ANKH: variants seen among roughly 807,000 people sequenced by gnomAD.
ANKH encodes the protein mineralization regulator ANKH.
ANKH carries 15 observed loss-of-function variants against 49.0 expected under a neutral mutation model. That is an observed-to-expected ratio of 0.31 (90% confidence interval 0.20 to 0.47). ANKH has a LOEUF of 0.47. Ranked by LOEUF, ANKH falls within the 20% of genes least tolerant of loss-of-function variation. ANKH has a pLI of 1.00. For synonymous variants in ANKH, 273 were observed against 260.0 expected, an observed-to-expected ratio of 1.05 and a Z score of -0.48; for missense variants, 429 against 652.0, an observed-to-expected ratio of 0.66 and a Z score of 3.72.
rs144449677 is a variant in ANKH at position 14,718,950 on chromosome 5, T to G, written c.1012-2115A>C. Among the ~76,000 whole-genome samples, 258 of 150,102 alleles carry G rather than the reference T, an allele frequency of 1.7e-3. 3 individuals are homozygous for G. Among genetic ancestry groups the G allele is most frequent in the Middle Eastern group, 0.01 (3 of 288 alleles). ...GAGACAGAGCAGAAGGATGAAGGCA[T>G]GCAAATGAAGCACAGGAGAAGAGAG... is the stretch of plus-strand genomic sequence containing the variant. On this transcript the variant is annotated intron_variant, in intron 8 of 11. Coordinates refer to ENST00000284268, the MANE Select transcript of ANKH (RefSeq NM_054027.6).
At chr5:14,806,605 G>C (rs963504528) in intron 1 of ANKH, among the ~76,000 whole-genome samples, 3 of 152,144 alleles carry the variant, frequency 2.0e-5, no homozygotes, top group African/African-American at 7.2e-5. Context: ...AAAGGGCAGG[G>C]GTGACTGTGG....
intron 1 of ANKH, among the ~76,000 whole-genome samples, chr5:14,823,094 A>C (rs528941017): frequency 6.6e-6 from 1 of 152,340 alleles, no homozygotes; most frequent in Non-Finnish European, 1.5e-5. Context: ...TATAAAATAC[A>C]CTATTATGTA....
chr5:14,849,312 T>A lies in ANKH; in HGVS notation c.96+22040A>T, dbSNP rs374178182. Among the ~76,000 whole-genome samples, 35 of 152,338 alleles carry A rather than the reference T, an allele frequency of 2.3e-4. No homozygotes were observed. In the East Asian group the frequency reaches 6.6e-3, roughly 29 times the overall value. ...ATTTTTTGACCACATTCTTTCCCTT[T>A]GGGTAATGGTAAGTAATGTAACAAA... On this transcript the variant is annotated intron_variant, in intron 1 of 11. Coordinates refer to ENST00000284268, the MANE Select transcript of ANKH (RefSeq NM_054027.6).
At chr5:14,716,585 T>TG in intron 9 of ANKH, 121 bp downstream of exon 9, 1 of 1,391,134 alleles carries the variant, frequency 7.2e-7, no homozygotes, top group Non-Finnish European at 1.0e-6. Context: ...TTTTGCATCT[T>TG]TCTAAGCCAC....
chr5:14,754,586 A>G (rs1045214028), intron 4 of ANKH, among the ~76,000 whole-genome samples: 1 of 152,008 alleles, frequency 6.6e-6, no homozygotes, highest in African/African-American at 2.4e-5. Context: ...TAGTATTGCT[A>G]GTATTTACAC....
intron 1 of ANKH, chr5:14,868,656 C>G (rs79750805): frequency 6.6e-6 from 1 of 151,436 alleles, no homozygotes; most frequent in African/African-American, 2.4e-5. Context: ...GTGATCCATC[C>G]ACCTCACCTC....
At chr5:14,831,593 A>G (rs1248045331) in intron 1 of ANKH, among the ~76,000 whole-genome samples, 2 of 152,254 alleles carry the variant, frequency 1.3e-5, no homozygotes, top group Non-Finnish European at 2.9e-5. Flanking sequence ...CCATGGTCAA[A>G]TGCTCAAGGG....
chr5:14,776,122 G>A (rs187720999), intron 1 of ANKH, among the ~76,000 whole-genome samples: 40 of 152,292 alleles, frequency 2.6e-4, no homozygotes, highest in African/African-American at 8.7e-4. Context: ...GCCGCCCCCC[G>A]CATCCTCCTG....
At chr5:14,762,085 G>A (rs1580048926) in intron 2 of ANKH, among the ~76,000 whole-genome samples, 2 of 152,240 alleles carry the variant, frequency 1.3e-5, no homozygotes, top group South Asian at 4.2e-4. Flanking sequence ...TTAAAAACCT[G>A]CTTGTAACAA....
intron 5 of ANKH, 35 bp from the exon 6 acceptor site, chr5:14,749,341 C>T: frequency 2.5e-6 from 4 of 1,613,274 alleles, no homozygotes; most frequent in Non-Finnish European, 3.4e-6. Flanking sequence ...GTTACCTGAA[C>T]TCTAGAAGCA....
intron 1 of ANKH, among the ~76,000 whole-genome samples, chr5:14,816,044 T>C (rs751607615): frequency 1.3e-5 from 2 of 152,252 alleles, no homozygotes; most frequent in Non-Finnish European, 2.9e-5. Context: ...GCATATCAGT[T>C]TGACTAAGCA....
At chr5:14,786,002 C>T (rs570329741) in intron 1 of ANKH, among the ~76,000 whole-genome samples, 11 of 144,288 alleles carry the variant, frequency 7.6e-5, no homozygotes, top group East Asian at 2.0e-4. Flanking sequence ...GCCGAGATCA[C>T]GCCACTGTAT....
chr5:14,755,906 G>A lies in ANKH; in HGVS notation c.471C>T (p.Tyr157=), dbSNP rs771127050. The change falls in exon 4 of 12, where the codon TAC becomes TAT. Residue 157 remains tyrosine, a synonymous_variant. Transcript: ENST00000284268. The part of the protein sequence containing the change: ...THAGILLKHK[Y]SFLVGCASIS... Reference sequence around the variant, plus strand: ...TTGAGGCACATCCCACCAGGAAACTGTATTTGTGTTTTAAGAGAATGCCAG... The same window carrying A: ...TTGAGGCACATCCCACCAGGAAACTATATTTGTGTTTTAAGAGAATGCCAG... 11 of 1,613,974 alleles carry A rather than the reference G, an allele frequency of 6.8e-6. No individual in the cohort carries two copies. The highest frequency in any genetic ancestry group is 3.4e-6 in the Non-Finnish European group (4 of 1,179,968).
chr5:14,843,451 C>G (rs1478526192), intron 1 of ANKH, among the ~76,000 whole-genome samples: 1 of 147,418 alleles, frequency 6.8e-6, no homozygotes, highest in Non-Finnish European at 1.5e-5. Flanking sequence ...GCTGGGATTA[C>G]AGGTGTGAGC....
At chr5:14,768,789 C>T (rs1739330251) in intron 2 of ANKH, 186 bp downstream of exon 2, 1 of 660,608 alleles carries the variant, frequency 1.5e-6, no homozygotes, top group Non-Finnish European at 2.6e-6. Flanking sequence ...TACAGCTCCC[C>T]AGAAAAAACA....
intron 1 of ANKH, among the ~76,000 whole-genome samples, chr5:14,838,204 T>C (rs897843205): frequency 3.9e-5 from 6 of 151,982 alleles, no homozygotes; most frequent in African/African-American, 1.5e-4. Flanking sequence ...ATGGCACATG[T>C]ATACATATGT....
intron 1 of ANKH, among the ~76,000 whole-genome samples, chr5:14,785,632 C>T (rs369084193): frequency 9.9e-5 from 15 of 152,078 alleles, no homozygotes; most frequent in East Asian, 3.8e-4. Context: ...AAAACTAATA[C>T]GCCAGTTTAA....
intron 1 of ANKH, among the ~76,000 whole-genome samples, chr5:14,786,130 A>G (rs1739969370): frequency 6.6e-6 from 1 of 151,858 alleles, no homozygotes. Flanking sequence ...CTTTGATGGC[A>G]CATTCTTGGG....
At chr5:14,840,767 G>A (rs926261723) in intron 1 of ANKH, among the ~76,000 whole-genome samples, 1 of 152,204 alleles carries the variant, frequency 6.6e-6, no homozygotes, top group African/African-American at 2.4e-5. Flanking sequence ...ATGATGCCCA[G>A]GCATTTACAT....
Sources: allele counts gnomAD v4.1 joint callset (sites outside exome capture counted in the v4.1 genomes callset), GRCh38; gene constraint gnomAD v4.1.1; transcripts MANE v1.5; gene names NCBI Gene and HGNC (gene_info 2026-07-23, HGNC 2026-07-21).